Variants in AK8 observed in about 807,000 individuals in gnomAD.
AK8 encodes ATP-AMP transphosphorylase 8.
Under a neutral mutation model 54.6 loss-of-function variants are expected in AK8, and 44 were observed. That is an observed-to-expected ratio of 0.81 (90% CI 0.63 to 1.04). The LOEUF is 1.04. Ranked by LOEUF, AK8 falls within the 50% of genes least tolerant of loss-of-function variation. The probability of loss-of-function intolerance (pLI) is 0.00; values close to 1 mark genes in which losing one functional copy is unlikely to be tolerated. For missense variants in AK8, 555 were observed against 613.6 expected, an observed-to-expected ratio of 0.90 and a Z score of 1.01; for synonymous variants, 239 against 245.6, an observed-to-expected ratio of 0.97 and a Z score of 0.25.
In AK8 at chr9:132,808,416, T is replaced by A. The variant is rs552013305; in HGVS notation, c.979+6222A>T. On this transcript the variant is annotated intron_variant, in intron 10 of 12. Coordinates refer to ENST00000298545, the MANE Select transcript of AK8 (RefSeq NM_152572.3). ...GTCCACAGTGCCATCACCAAGAGCC[T>A]GGGATCAAGGGACTGAAGATGCGCT... Among the ~76,000 whole-genome samples the A allele has an allele frequency of 2.6e-5, 4 of 152,276 alleles. No individual in the cohort carries two copies. The East Asian group carries it at 7.7e-4, about 29-fold the overall frequency.
rs1271928388 is a variant in AK8, at chr9:132,725,787, A to T, written c.1341T>A (p.Tyr447Ter). 6.2e-7 allele frequency: 1 copy of T among 1,603,880 alleles called. No homozygotes were observed. Among genetic ancestry groups the T allele is most frequent in the East Asian group, 2.2e-5 (1 of 44,650 alleles). Reference sequence around the variant, plus strand: ...CCCCATTGAGGGTGATGGCCGACCCATACAACTGCTCCAAGTCAGCTGAGT... The same window carrying T: ...CCCCATTGAGGGTGATGGCCGACCCTTACAACTGCTCCAAGTCAGCTGAGT... ...YRNSADLEQLYGSAITLNGDQ... is the reference protein window; with the variant it reads ...YRNSADLEQL The change falls in exon 13 of 13, where the codon TAT becomes TAA. Residue 447 changes from tyrosine (Y) to a stop codon, truncating the protein, a stop_gained. Coordinates refer to ENST00000298545, the MANE Select transcript of AK8 (RefSeq NM_152572.3). LOFTEE classifies it high-confidence loss of function.
Position 132,792,566 on chromosome 9 carries a change from A to G in AK8, c.1121+68T>C, listed in dbSNP as rs1052632594. On this transcript the variant is annotated intron_variant, in intron 11 of 12. Transcript: ENST00000298545. ...AGGCTTGTGTAACCTGGACCCCTTC[A>G]GCTGAGCCCTGGAGAGGGGGTGCCC... 1.7e-5 allele frequency: 26 copies of G among 1,504,792 alleles called. No individual in the cohort carries two copies. The African/African-American group carries it at 3.5e-4, about 20-fold the overall frequency. The allele number at this position is 1,504,792 out of a possible 1,614,324, so 93.2% of individuals were successfully genotyped here. A position where few individuals can be genotyped will look rare whatever the true frequency, so the allele number is the denominator to read the frequency against.
At chr9:132,859,814 G>A (rs1054836276) in intron 4 of AK8, among the ~76,000 whole-genome samples, 5 of 152,148 alleles carry the variant, frequency 3.3e-5, no homozygotes, top group East Asian at 1.9e-4. Flanking sequence ...TGGGAAGAAC[G>A]GGAGGCAAAG....
rs887311396 is a variant in AK8 at position 132,725,753 on chromosome 9, G to T, written c.1375C>A (p.Pro459Thr). The T allele has an allele frequency of 3.1e-6, 5 of 1,595,352 alleles. No homozygotes were observed. In the African/African-American group the frequency reaches 5.3e-5, roughly 17 times the overall value. The change falls in exon 13 of 13, where the codon CCA becomes ACA. Residue 459 changes from proline to threonine, a missense_variant. Pro to Thr is a conservative substitution (Grantham distance 38, BLOSUM62 -1). Transcript: ENST00000298545. ...SAITLNGDQD[P>T]YTVFEYIESG... is the part of the protein sequence containing the mutation. Reference sequence around the variant, plus strand: ...TCGATGTATTCGAAGACTGTGTATGGGTCCTGGTCCCCATTGAGGGTGATG... The same window carrying T: ...TCGATGTATTCGAAGACTGTGTATGTGTCCTGGTCCCCATTGAGGGTGATG...
At chr9:132,741,569 C>T (rs1837394858) in intron 11 of AK8, among the ~76,000 whole-genome samples, 1 of 152,210 alleles carries the variant, frequency 6.6e-6, no homozygotes, top group African/African-American at 2.4e-5. Context: ...CCAGAAAGAG[C>T]TCAGCTGTAA....
intron 11 of AK8, among the ~76,000 whole-genome samples, chr9:132,792,330 T>C (rs1839977612): frequency 6.6e-6 from 1 of 152,128 alleles, no homozygotes; most frequent in African/African-American, 2.4e-5. Context: ...AAAATGAAAC[T>C]GTAAAAATAG....
Position 132,837,794 on chromosome 9 carries a change from G to C in AK8, c.403-9068C>G, listed in dbSNP as rs975549881. Among the ~76,000 whole-genome samples the C allele has an allele frequency of 1.3e-5, 2 of 152,138 alleles. No homozygotes were observed. The highest frequency in any genetic ancestry group is 2.9e-5 in the Non-Finnish European group (2 of 68,030). On this transcript the variant is annotated intron_variant, in intron 5 of 12. Coordinates refer to ENST00000298545, the MANE Select transcript of AK8 (RefSeq NM_152572.3). This position sits in a 1 kb window ranked among gnomAD's most constrained non-coding sequence, Gnocchi z 4.3. ...TCTTACAGAAACACCCACAAATAAG[G>C]GGGCACAGGAGGTGTGCTCACTGTG...
intron 5 of AK8, among the ~76,000 whole-genome samples, chr9:132,850,915 A>AC (rs398012518): frequency 2.0e-5 from 3 of 151,472 alleles, no homozygotes; most frequent in Non-Finnish European, 4.4e-5. Flanking sequence ...AAAAAAAAAA[A>AC]GACACAAGTT....
intron 11 of AK8, among the ~76,000 whole-genome samples, chr9:132,731,404 G>A (rs534082701): frequency 1.3e-5 from 2 of 152,304 alleles, no homozygotes; most frequent in African/African-American, 4.8e-5. Flanking sequence ...GGTGTCTCCA[G>A]AGGAGAGGGC....
chr9:132,847,330 G>A (rs1398931011), intron 5 of AK8, among the ~76,000 whole-genome samples: 1 of 152,164 alleles, frequency 6.6e-6, no homozygotes, highest in African/African-American at 2.4e-5. Context: ...ATCTCCACCG[G>A]GCCTTTCGTT....
chr9:132,796,571 G>T (rs1840180680), intron 10 of AK8, among the ~76,000 whole-genome samples: 1 of 151,890 alleles, frequency 6.6e-6, no homozygotes, highest in African/African-American at 2.4e-5. Flanking sequence ...ATCAAAGAAG[G>T]TACATCTCTG....
chr9:132,756,820 C>T (rs920029258), intron 11 of AK8, among the ~76,000 whole-genome samples: 4 of 152,058 alleles, frequency 2.6e-5, no homozygotes, highest in South Asian at 2.1e-4. Context: ...CCCCATAAAA[C>T]GACTCACTCA....
chr9:132,780,829 C>T (rs1345763956), intron 11 of AK8, among the ~76,000 whole-genome samples: 2 of 152,162 alleles, frequency 1.3e-5, no homozygotes, highest in African/African-American at 4.8e-5. Context: ...ATGTCATTGC[C>T]ACTGACTCAT....
intron 5 of AK8, among the ~76,000 whole-genome samples, chr9:132,835,814 C>A (rs1190594460): frequency 6.6e-6 from 1 of 152,016 alleles, no homozygotes; most frequent in Non-Finnish European, 1.5e-5. Flanking sequence ...ACAGCGAGAC[C>A]CCGCTTCTAC....
chr9:132,812,515 A>ACT (rs1841068302), intron 10 of AK8, among the ~76,000 whole-genome samples: 1 of 4,052 alleles, frequency 2.5e-4, no homozygotes, highest in Admixed American at 1.9e-3. Context: ...CTGGGATGAC[A>ACT]GGGGTGAGCT....
chr9:132,796,770 T>TACAC (rs10590924), intron 10 of AK8, among the ~76,000 whole-genome samples: 2,503 of 142,376 alleles, frequency 0.018, 42 homozygotes, highest in Non-Finnish European at 0.023. Flanking sequence ...ACATACATGC[T>TACAC]ACACACACAC....
At chr9:132,815,032 C>T (rs1463484924) in intron 9 of AK8, among the ~76,000 whole-genome samples, 1 of 152,212 alleles carries the variant, frequency 6.6e-6, no homozygotes, top group African/African-American at 2.4e-5. Context: ...TGCAGGGCCT[C>T]GCTGCACCTG....
At chr9:132,746,147 CCT>C (rs1837639475) in intron 11 of AK8, among the ~76,000 whole-genome samples, 1 of 146,996 alleles carries the variant, frequency 6.8e-6, no homozygotes, top group South Asian at 2.2e-4. Flanking sequence ...ACCAGTCAGT[CCT>C]CTGAGATGGT....
chr9:132,858,482 T>C (rs905138290), intron 4 of AK8, among the ~76,000 whole-genome samples: 1 of 152,210 alleles, frequency 6.6e-6, no homozygotes, highest in Non-Finnish European at 1.5e-5. Flanking sequence ...TGGTGAGTGA[T>C]GCCTGCTCAG....
Sources: allele counts gnomAD v4.1 joint callset (sites outside exome capture counted in the v4.1 genomes callset), GRCh38; gene constraint gnomAD v4.1.1; non-coding constraint Gnocchi (gnomAD v3.1); transcripts MANE v1.5; gene names NCBI Gene and HGNC (gene_info 2026-07-23, HGNC 2026-07-21).